KCNQ1OT1: variants seen among roughly 807,000 people sequenced by gnomAD.
The protein encoded by KCNQ1OT1 is KCNQ1 opposite strand/antisense transcript 1.
In KCNQ1OT1 at chr11:2,627,107, G is replaced by T. The variant is rs1388630375; in HGVS notation, n.72888C>A. The T allele has an allele frequency of 3.0e-5, 12 of 398,242 alleles. No individual in the cohort carries two copies. Among genetic ancestry groups the T allele is most frequent in the Non-Finnish European group, 4.9e-5 (11 of 226,012 alleles). The allele number at this position is 398,242 out of a possible 1,614,324, so 24.7% of individuals were successfully genotyped here. On this transcript the variant is annotated non_coding_transcript_exon_variant, in exon 1 of 1. Transcript: ENST00000597346. This position sits in a 1 kb window ranked among gnomAD's most constrained non-coding sequence, Gnocchi z 4.9. ...CTTTAATTTCTTTCAGCATTGTTTT[G>T]TAATTTTCATTGTACAAGACTTTCA...
Position 2,668,047 on chromosome 11 carries a change from T to C in KCNQ1OT1, n.31948A>G. The C allele has an allele frequency of 2.5e-6, 1 of 398,600 alleles. No homozygotes were observed. Among genetic ancestry groups the C allele is most frequent in the Non-Finnish European group, 4.4e-6 (1 of 226,058 alleles). 24.7% of individuals were successfully genotyped at this position (398,600 alleles called of 1,614,324 possible). On this transcript the variant is annotated non_coding_transcript_exon_variant, in exon 1 of 1. Transcript: ENST00000597346. This position sits in a 1 kb window ranked among gnomAD's most constrained non-coding sequence, Gnocchi z 4.3. ...CAGCAAGGACCAGCTTTGCCCACATTTGAACTTTATGCGGTGGGAATGATG... is the reference window on the plus strand; with the variant it reads ...CAGCAAGGACCAGCTTTGCCCACATCTGAACTTTATGCGGTGGGAATGATG...
chr11:2,640,730 A>T, exon 1 of KCNQ1OT1: 1 of 398,500 alleles, frequency 2.5e-6, no homozygotes, highest in Non-Finnish European at 4.4e-6. Context: ...TATACATTAT[A>T]TTGTTAAATA....
At chr11:2,650,051 C>A (rs1849733735) in exon 1 of KCNQ1OT1, 2 of 398,110 alleles carry the variant, frequency 5.0e-6, no homozygotes, top group Admixed American at 8.8e-5. Context: ...GAAATTATTT[C>A]TTCTGCTTGA....
exon 1 of KCNQ1OT1, chr11:2,628,317 A>C (rs756147819): frequency 2.5e-6 from 1 of 398,568 alleles, no homozygotes; most frequent in Non-Finnish European, 4.4e-6. Context: ...TGACTTTTTG[A>C]TAATAGCGAT....
chr11:2,643,857 T>G, exon 1 of KCNQ1OT1: 2 of 398,602 alleles, frequency 5.0e-6, no homozygotes, highest in Admixed American at 8.8e-5. Context: ...AATATAACTT[T>G]GCTAAGTACA....
rs112578947 is a variant in KCNQ1OT1, at chr11:2,679,235, C to T, written n.20760G>A. On this transcript the variant is annotated non_coding_transcript_exon_variant, in exon 1 of 1. Coordinates refer to ENST00000597346, the Ensembl canonical transcript of KCNQ1OT1. The surrounding 1 kb of genome is among the most constrained non-coding windows in gnomAD (Gnocchi z 4.8). ...CATGTGAAGCTGGTCCAGAGGACTACAGCTGCCTGTCCCACCCTTGGCTGT... is the reference window on the plus strand; with the variant it reads ...CATGTGAAGCTGGTCCAGAGGACTATAGCTGCCTGTCCCACCCTTGGCTGT... The T allele has an allele frequency of 7.2e-4, 287 of 398,662 alleles. No individual in the cohort carries two copies. The highest frequency in any genetic ancestry group is 5.5e-3 in the African/African-American group (266 of 48,760). The allele number at this position is 398,662 out of a possible 1,614,324, so 24.7% of individuals were successfully genotyped here. A position where few individuals can be genotyped will look rare whatever the true frequency, so the allele number is the denominator to read the frequency against.
At chr11:2,662,203 C>G in exon 1 of KCNQ1OT1, 1 of 1,362,076 alleles carries the variant, frequency 7.3e-7, no homozygotes, top group Non-Finnish European at 1.0e-6. Context: ...TAGTGCCCAC[C>G]ACTTGCCGTC....
In KCNQ1OT1 at chr11:2,663,119, T is replaced by C. The variant is rs376263510; in HGVS notation, n.36876A>G. On this transcript the variant is annotated non_coding_transcript_exon_variant, in exon 1 of 1. Transcript: ENST00000597346. The surrounding 1 kb of genome is among the most constrained non-coding windows in gnomAD (Gnocchi z 5.2). ...GGGAAGGAGTGGCTATCTTAAGGGG[T>C]AATTATGATCAGACAGGACCTGCCC... The C allele has an allele frequency of 3.0e-3, 1,210 of 398,164 alleles. 10 individuals carry two copies. The highest frequency in any genetic ancestry group is 0.021 in the African/African-American group (1,028 of 48,546). The allele number at this position is 398,164 out of a possible 1,614,324, so 24.7% of individuals were successfully genotyped here.
At chr11:2,688,276 T>C in exon 1 of KCNQ1OT1, 1 of 398,736 alleles carries the variant, frequency 2.5e-6, no homozygotes, top group South Asian at 1.3e-4. Context: ...ATGACCTCTG[T>C]TTAGACAAGG....
Position 2,621,695 on chromosome 11 carries a change from G to T in KCNQ1OT1, n.78300C>A. 1 of 398,310 alleles carries T rather than the reference G, an allele frequency of 2.5e-6. No individual in the cohort carries two copies. Among genetic ancestry groups the T allele is most frequent in the Non-Finnish European group, 4.4e-6 (1 of 225,974 alleles). 24.7% of individuals were successfully genotyped at this position (398,310 alleles called of 1,614,324 possible). On this transcript the variant is annotated non_coding_transcript_exon_variant, in exon 1 of 1. Transcript: ENST00000597346. This position sits in a 1 kb window ranked among gnomAD's most constrained non-coding sequence, Gnocchi z 5.7. Reference sequence around the variant, plus strand: ...ATAATTGTTCATAAAAGTCCCTTATGATCCTTTTTATTTCTGAAGTACCTG... The same window carrying T: ...ATAATTGTTCATAAAAGTCCCTTATTATCCTTTTTATTTCTGAAGTACCTG...
rs1393609532 is a variant in KCNQ1OT1 at position 2,659,942 on chromosome 11, C to T, written n.40053G>A. 5 of 398,278 alleles carry T rather than the reference C, an allele frequency of 1.3e-5. No homozygotes were observed. The highest frequency in any genetic ancestry group is 8.8e-5 in the Admixed American group (2 of 22,712). 24.7% of individuals were successfully genotyped at this position (398,278 alleles called of 1,614,324 possible). ...TTCTTTATATATTCTGAGTGCAAGT[C>T]CTTGACCTGATAGGTGATATGCAAA... On this transcript the variant is annotated non_coding_transcript_exon_variant, in exon 1 of 1. Transcript: ENST00000597346. This position sits in a 1 kb window ranked among gnomAD's most constrained non-coding sequence, Gnocchi z 4.3.
rs1259411683 is a variant in KCNQ1OT1 at position 2,690,251 on chromosome 11, A to G, written n.9744T>C. On this transcript the variant is annotated non_coding_transcript_exon_variant, in exon 1 of 1. Transcript: ENST00000597346. This position sits in a 1 kb window ranked among gnomAD's most constrained non-coding sequence, Gnocchi z 5.1. ...TCAAGCAAGTCATTCCATGTGGCTG[A>G]GCTGCTCCTTGCTGCATCTGCACAT... The G allele has an allele frequency of 2.5e-6, 1 of 398,782 alleles. No individual in the cohort carries two copies. The highest frequency in any genetic ancestry group is 3.6e-5 in the East Asian group (1 of 28,088). 24.7% of individuals were successfully genotyped at this position (398,782 alleles called of 1,614,324 possible). A position where few individuals can be genotyped will look rare whatever the true frequency, so the allele number is the denominator to read the frequency against.
In KCNQ1OT1 at chr11:2,626,153, G is replaced by A; in HGVS notation, n.73842C>T. 2.5e-6 allele frequency: 1 copy of A among 397,420 alleles called. No homozygotes were observed. The highest frequency in any genetic ancestry group is 4.4e-6 in the Non-Finnish European group (1 of 226,044). 24.6% of individuals were successfully genotyped at this position (397,420 alleles called of 1,614,324 possible). A position where few individuals can be genotyped will look rare whatever the true frequency, so the allele number is the denominator to read the frequency against. On this transcript the variant is annotated non_coding_transcript_exon_variant, in exon 1 of 1. Transcript: ENST00000597346. This position sits in a 1 kb window ranked among gnomAD's most constrained non-coding sequence, Gnocchi z 4.0. ...CAAGAAGCACTGCCAATGATGTAAA[G>A]TTTTTCCCCTATGTTTCCTTATAAG... is the stretch of plus-strand genomic sequence containing the variant.
chr11:2,649,799 G>A (rs1410583845), exon 1 of KCNQ1OT1: 1 of 398,284 alleles, frequency 2.5e-6, no homozygotes, highest in Non-Finnish European at 4.4e-6. Context: ...AATCTATTTA[G>A]GGATTTGTGA....
At position 2,682,667 on chromosome 11, in the gene KCNQ1OT1, C is replaced by G. The variant is rs1415777354; in HGVS notation, n.17328G>C. 5.0e-6 allele frequency: 2 copies of G among 398,528 alleles called. No individual in the cohort carries two copies. The allele number at this position is 398,528 out of a possible 1,614,324, so 24.7% of individuals were successfully genotyped here. On this transcript the variant is annotated non_coding_transcript_exon_variant, in exon 1 of 1. Transcript: ENST00000597346. The surrounding 1 kb of genome is among the most constrained non-coding windows in gnomAD (Gnocchi z 5.8). ...CTTCCCCAGGGCTCATGTCCACATG[C>G]TATTGTCCATAGAAGCTGGGGTCCA...
chr11:2,650,852 T>C lies in KCNQ1OT1; in HGVS notation n.49143A>G, dbSNP rs1849746018. 7.5e-6 allele frequency: 3 copies of C among 398,542 alleles called. No homozygotes were observed. In the South Asian group the frequency reaches 3.8e-4, roughly 51 times the overall value. 24.7% of individuals were successfully genotyped at this position (398,542 alleles called of 1,614,324 possible). A position where few individuals can be genotyped will look rare whatever the true frequency, so the allele number is the denominator to read the frequency against. On this transcript the variant is annotated non_coding_transcript_exon_variant, in exon 1 of 1. Coordinates refer to ENST00000597346, the Ensembl canonical transcript of KCNQ1OT1. The stretch of plus-strand genomic sequence containing the variant: ...CTGATTTTATGCTTTTAGGGGAGGA[T>C]GAGTGAGATGATTTATAGTCAGAGG...
chr11:2,629,602 G>A, exon 1 of KCNQ1OT1: 1 of 398,434 alleles, frequency 2.5e-6, no homozygotes, highest in East Asian at 3.6e-5. Context: ...ATTTGCCATT[G>A]AATGGACATG....
chr11:2,676,629 A>C lies in KCNQ1OT1; in HGVS notation n.23366T>G, dbSNP rs1018896669. The C allele has an allele frequency of 4.5e-5, 18 of 398,530 alleles. No homozygotes were observed. The highest frequency in any genetic ancestry group is 3.5e-4 in the African/African-American group (17 of 48,624). 24.7% of individuals were successfully genotyped at this position (398,530 alleles called of 1,614,324 possible). On this transcript the variant is annotated non_coding_transcript_exon_variant, in exon 1 of 1. Transcript: ENST00000597346. The surrounding 1 kb of genome is among the most constrained non-coding windows in gnomAD (Gnocchi z 4.2). ...AGGCCTCTAAGAAATGGGTAGCTTC[A>C]CAGATTCACAGATAGATAGTTCATT...
exon 1 of KCNQ1OT1, chr11:2,660,574 A>G (rs1849933528): frequency 2.5e-6 from 1 of 398,552 alleles, no homozygotes; most frequent in African/African-American, 2.1e-5. Flanking sequence ...AAGGACATGA[A>G]CAGGCAATTC....
Sources: gnomAD v4.1 joint callset for allele counts on GRCh38, gnomAD v4.1.1 for gene constraint, Gnocchi (gnomAD v3.1) non-coding constraint, MANE v1.5 for transcripts, NCBI Gene and HGNC (gene_info 2026-07-23, HGNC 2026-07-21) for gene names.